Variants in CSMD1 observed in about 807,000 individuals in gnomAD.
CSMD1 encodes CUB and Sushi multiple domains 1.
In CSMD1, 213 loss-of-function variants were observed where a neutral mutation model predicts 417.5. The observed-to-expected ratio is 0.51, with a 90% CI of 0.46 to 0.57. The LOEUF is 0.57. Among genes scored for constraint, CSMD1 ranks in the 20% least tolerant of loss-of-function variants. The pLI is 0.00. For synonymous variants in CSMD1, 2,862 were observed against 1,736.8 expected (o/e 1.65, Z -16.11); for missense variants, 6,923 against 4,529.7 (o/e 1.53, Z -15.17).
intron 4 of CSMD1, among the ~76,000 whole-genome samples, chr8:3,999,621 G>A (rs1009501230): frequency 6.6e-6 from 1 of 152,174 alleles, no homozygotes; most frequent in Non-Finnish European, 1.5e-5. Flanking sequence ...TTTGTTCCCG[G>A]AGTTTGGAGT....
intron 7 of CSMD1, among the ~76,000 whole-genome samples, chr8:3,702,754 C>T (rs1800940033): frequency 2.6e-5 from 4 of 152,316 alleles, no homozygotes; most frequent in Admixed American, 1.3e-4. Context: ...ATCGCTGGAA[C>T]CTGGGAGGTG....
intron 3 of CSMD1, among the ~76,000 whole-genome samples, chr8:4,076,705 C>G: frequency 6.6e-6 from 1 of 152,176 alleles, no homozygotes; most frequent in Non-Finnish European, 1.5e-5. Context: ...TCTTGTCTTT[C>G]ACTGCTACTC....
intron 26 of CSMD1, among the ~76,000 whole-genome samples, chr8:3,250,564 G>A (rs1025596887): frequency 8.5e-5 from 13 of 152,152 alleles, no homozygotes; most frequent in African/African-American, 3.1e-4. Flanking sequence ...AGTCCTTTGT[G>A]TATATACCCA....
At chr8:4,604,829 G>T (rs150186483) in intron 2 of CSMD1, among the ~76,000 whole-genome samples, 23 of 152,178 alleles carry the variant, frequency 1.5e-4, no homozygotes, top group African/African-American at 5.3e-4. Context: ...TTCAGCCAAG[G>T]ATCTGTCAGT....
Position 4,891,828 on chromosome 8 carries a change from T to C in CSMD1, c.85+102504A>G, listed in dbSNP as rs141383192. 4.4e-3 allele frequency among the ~76,000 whole-genome samples: 665 copies of C among 152,276 alleles called. 9 individuals are homozygous for C. The highest frequency in any genetic ancestry group is 0.014 in the Middle Eastern group (4 of 294). ...AACTTAATTAAATGCATTTACATTA[T>C]TTGTGTAGACTATACACCTTGTATT... is the stretch of plus-strand genomic sequence containing the variant. On this transcript the variant is annotated intron_variant, in intron 1 of 69. Coordinates refer to ENST00000635120, the MANE Select transcript of CSMD1 (RefSeq NM_033225.6).
intron 7 of CSMD1, among the ~76,000 whole-genome samples, chr8:3,628,406 T>G (rs763519683): frequency 1.5e-4 from 23 of 152,238 alleles, no homozygotes; most frequent in Admixed American, 5.9e-4. Context: ...CATGGGGACT[T>G]GGCCCAAATA....
intron 2 of CSMD1, among the ~76,000 whole-genome samples, chr8:4,484,612 C>A (rs571575279): frequency 6.6e-6 from 1 of 152,042 alleles, no homozygotes; most frequent in Non-Finnish European, 1.5e-5. Context: ...CTGACGTGAC[C>A]TGCTCTATGA....
chr8:2,951,371 C>G, intron 65 of CSMD1, 96 bp from the exon 66 acceptor site: 1 of 1,273,396 alleles, frequency 7.9e-7, no homozygotes, highest in South Asian at 1.5e-5. Flanking sequence ...GCTTAGCGAG[C>G]GATCACAGAT....
chr8:3,248,380 A>C (rs1800020396), intron 26 of CSMD1, among the ~76,000 whole-genome samples: 2 of 152,166 alleles, frequency 1.3e-5, no homozygotes, highest in African/African-American at 2.4e-5. Flanking sequence ...AAAATTACAT[A>C]ATCTTCCCAC....
Position 4,839,055 on chromosome 8 carries a change from T to C in CSMD1, c.85+155277A>G, listed in dbSNP as rs568359360. Among the ~76,000 whole-genome samples, 14 of 152,344 alleles carry C rather than the reference T, an allele frequency of 9.2e-5. No homozygotes were observed. In the South Asian group the frequency reaches 2.1e-3, roughly 23 times the overall value. On this transcript the variant is annotated intron_variant, in intron 1 of 69. Coordinates refer to ENST00000635120, the MANE Select transcript of CSMD1 (RefSeq NM_033225.6). The stretch of plus-strand genomic sequence containing the variant: ...AACTTTTTGGAATTGGTTTTTTGCC[T>C]GTCTGCTTTGTATTTCTGACCTGGT...
intron 6 of CSMD1, among the ~76,000 whole-genome samples, chr8:3,716,584 G>A (rs530714414): frequency 1.7e-3 from 266 of 152,194 alleles, no homozygotes; most frequent in Non-Finnish European, 3.0e-3. Context: ...GATTTGCGCC[G>A]GCTTCTTTAC....
At chr8:4,901,026 G>T (rs1387624776) in intron 1 of CSMD1, among the ~76,000 whole-genome samples, 1 of 152,180 alleles carries the variant, frequency 6.6e-6, no homozygotes, top group African/African-American at 2.4e-5. Context: ...GAATGCCGAT[G>T]TTCAACAAAT....
chr8:4,558,664 C>G (rs1245269043), intron 2 of CSMD1, among the ~76,000 whole-genome samples: 1 of 152,028 alleles, frequency 6.6e-6, no homozygotes, highest in Non-Finnish European at 1.5e-5. Flanking sequence ...GTCAGGAGTT[C>G]TAGACCAGGC....
chr8:3,689,738 C>G (rs1479102008), intron 7 of CSMD1, among the ~76,000 whole-genome samples: 3 of 152,118 alleles, frequency 2.0e-5, no homozygotes, highest in African/African-American at 7.2e-5. Flanking sequence ...GTGATGAAAA[C>G]ATGATCACTA....
At chr8:4,542,485 T>C (rs1490559037) in intron 2 of CSMD1, among the ~76,000 whole-genome samples, 1 of 151,446 alleles carries the variant, frequency 6.6e-6, no homozygotes, top group African/African-American at 2.5e-5. Flanking sequence ...ACCAAATCAA[T>C]TTTTTAAAAA....
chr8:4,105,531 G>A (rs1488446582), intron 3 of CSMD1, among the ~76,000 whole-genome samples: 1 of 152,120 alleles, frequency 6.6e-6, no homozygotes, highest in Admixed American at 6.5e-5. Flanking sequence ...ATTTTCTGCT[G>A]GATGCAGACA....
intron 41 of CSMD1, among the ~76,000 whole-genome samples, chr8:3,133,856 G>C (rs113126069): frequency 0.014 from 2,108 of 152,318 alleles, 59 homozygotes; most frequent in African/African-American, 0.049. Flanking sequence ...TTAAAGGCCG[G>C]TCGAATTCTT....
chr8:3,428,635 A>G (rs1814008831), intron 12 of CSMD1, among the ~76,000 whole-genome samples: 1 of 152,158 alleles, frequency 6.6e-6, no homozygotes, highest in African/African-American at 2.4e-5. Context: ...CCACCATGGA[A>G]AACAGTATGC....
At chr8:3,211,776 G>A (rs1417309614) in intron 30 of CSMD1, among the ~76,000 whole-genome samples, 3 of 152,224 alleles carry the variant, frequency 2.0e-5, no homozygotes, top group Non-Finnish European at 4.4e-5. Context: ...GTCCAGAAGG[G>A]AGGATCCTCA....
Sources: allele counts gnomAD v4.1 joint callset (sites outside exome capture counted in the v4.1 genomes callset), GRCh38; gene constraint gnomAD v4.1.1; transcripts MANE v1.5; gene names NCBI Gene and HGNC (gene_info 2026-07-23, HGNC 2026-07-21).